Variants in ST7L observed in about 807,000 individuals in gnomAD.
ST7L encodes the protein suppression of tumorigenicity 7 like.
In ST7L, 57 loss-of-function variants were observed where a neutral mutation model predicts 72.5. The ratio of observed to expected loss-of-function variants is 0.79; its 90% CI spans 0.64 to 0.98. The LOEUF is 0.98. Ranked by LOEUF, ST7L falls within the 50% of genes least tolerant of loss-of-function variation. The probability of loss-of-function intolerance (pLI) is 0.00; values close to 1 mark genes in which losing one functional copy is unlikely to be tolerated. For synonymous variants in ST7L, 221 were observed against 240.9 expected (o/e 0.92, Z 0.77); for missense variants, 576 against 672.2 (o/e 0.86, Z 1.58).
chr1:112,540,430 A>G (rs953093660), intron 14 of ST7L: 1 of 985,504 alleles, frequency 1.0e-6, no homozygotes, highest in Non-Finnish European at 1.2e-6. Flanking sequence ...AATAACAGTT[A>G]TGAGTATGAT....
chr1:112,539,755 GA>G, intron 14 of ST7L: 1 of 985,236 alleles, frequency 1.0e-6, no homozygotes, highest in Non-Finnish European at 1.2e-6. Context: ...CCTGCCTTTG[GA>G]AATCCTGCAC....
chr1:112,547,559 ATCTT>A (rs1442792403), intron 13 of ST7L, among the ~76,000 whole-genome samples: 1 of 83,382 alleles, frequency 1.2e-5, no homozygotes, highest in African/African-American at 4.6e-5. Flanking sequence ...CATCTTTGTC[ATCTT>A]TTTTTTTTTT....
intron 6 of ST7L, among the ~76,000 whole-genome samples, chr1:112,586,339 G>T (rs934207270): frequency 1.4e-4 from 21 of 152,098 alleles, no homozygotes; most frequent in Admixed American, 1.4e-3. Context: ...TACTTTGGAG[G>T]CTGAGGCAAG....
At chr1:112,603,552 A>C (rs984179335) in intron 3 of ST7L, among the ~76,000 whole-genome samples, 1 of 152,218 alleles carries the variant, frequency 6.6e-6, no homozygotes, top group African/African-American at 2.4e-5. Context: ...ACTTCAATCA[A>C]ACACCATTTC....
At chr1:112,598,329 C>T (rs1447880305) in intron 4 of ST7L, among the ~76,000 whole-genome samples, 2 of 151,744 alleles carry the variant, frequency 1.3e-5, no homozygotes, top group Non-Finnish European at 2.9e-5. Flanking sequence ...GGCCGGGTGC[C>T]GTGGCTCATG....
chr1:112,574,965 G>A (rs576301887), intron 11 of ST7L, among the ~76,000 whole-genome samples: 160 of 152,252 alleles, frequency 1.1e-3, no homozygotes, highest in Admixed American at 2.4e-3. Context: ...AAGGCTGGGC[G>A]CGGTGGCTTA....
Position 112,550,604 on chromosome 1 carries a change from G to C in ST7L, c.1486C>G (p.Pro496Ala). 3 of 1,609,088 alleles carry C rather than the reference G, an allele frequency of 1.9e-6. No homozygotes were observed. In the South Asian group the frequency reaches 3.3e-5, roughly 18 times the overall value. Reference protein sequence around the residue: ...CTETADRELLPTFHHVSVYPK... With the variant: ...CTETADRELLATFHHVSVYPK... ...GAAAACTAAAATATTTACTTACTAGGTAATAGCTCTCTATCAGCCGTCTCT... is the reference window on the plus strand; with the variant it reads ...GAAAACTAAAATATTTACTTACTAGCTAATAGCTCTCTATCAGCCGTCTCT... Residue 496 changes from proline to alanine, a missense_variant, in exon 13 of 15, where the codon CCT (proline) becomes GCT (alanine). Physicochemically the swap from Pro to Ala is conservative, Grantham distance 27 (BLOSUM62 -1). Coordinates refer to ENST00000358039, the MANE Select transcript of ST7L (RefSeq NM_017744.5).
intron 14 of ST7L, among the ~76,000 whole-genome samples, chr1:112,533,128 T>A (rs764086516): frequency 1.3e-5 from 2 of 152,174 alleles, no homozygotes; most frequent in Non-Finnish European, 2.9e-5. Flanking sequence ...CTCTGAATCA[T>A]TACAAACCAG....
rs114996382 is a variant in ST7L at position 112,586,857 on chromosome 1, G to A, written c.702-2731C>T. 3.1e-3 allele frequency among the ~76,000 whole-genome samples: 468 copies of A among 152,124 alleles called. 4 individuals carry two copies. Among genetic ancestry groups the A allele is most frequent in the African/African-American group, 0.011 (438 of 41,486 alleles). On this transcript the variant is annotated intron_variant, in intron 6 of 14. Coordinates refer to ENST00000358039, the MANE Select transcript of ST7L (RefSeq NM_017744.5). ...ATATTCACAGAGTTGTGCAACCATC[G>A]CCACAATGTAATTCCAGGACATTTT...
intron 9 of ST7L, among the ~76,000 whole-genome samples, chr1:112,579,989 G>A (rs1663826174): frequency 6.6e-6 from 1 of 152,140 alleles, no homozygotes; most frequent in Non-Finnish European, 1.5e-5. Flanking sequence ...ATTTCTCCAT[G>A]AGCCTACACT....
intron 3 of ST7L, among the ~76,000 whole-genome samples, chr1:112,606,916 C>G (rs1475697693): frequency 1.3e-5 from 2 of 152,188 alleles, no homozygotes; most frequent in East Asian, 3.9e-4. Context: ...AAAACCCTAG[C>G]TCCTAATACA....
chr1:112,582,218 C>A, intron 8 of ST7L, 112 bp from the exon 9 acceptor site: 1 of 937,248 alleles, frequency 1.1e-6, no homozygotes, highest in Non-Finnish European at 1.6e-6. Context: ...GTGAAGAAGA[C>A]CTAACCCTTA....
At chr1:112,574,349 T>G (rs1305057645) in intron 11 of ST7L, among the ~76,000 whole-genome samples, 2 of 149,656 alleles carry the variant, frequency 1.3e-5, no homozygotes, top group Non-Finnish European at 3.0e-5. Flanking sequence ...CTCGAATAGC[T>G]GAAGAGTCTG....
chr1:112,574,416 T>G (rs530033704), intron 11 of ST7L, among the ~76,000 whole-genome samples: 2 of 151,432 alleles, frequency 1.3e-5, no homozygotes, highest in African/African-American at 4.8e-5. Context: ...TCCCAGCACT[T>G]TGGGAGGCCA....
Position 112,616,905 on chromosome 1 carries a change from G to T in ST7L, c.206-10C>A. 1 of 1,587,292 alleles carries T rather than the reference G, an allele frequency of 6.3e-7. No individual in the cohort carries two copies. The highest frequency in any genetic ancestry group is 1.2e-5 in the South Asian group (1 of 86,214). ...TTTAAAAATACAGTCACTGTCAAAAGAACAAGAATCAAAGTTTTAAAAAAT... is the reference window on the plus strand; with the variant it reads ...TTTAAAAATACAGTCACTGTCAAAATAACAAGAATCAAAGTTTTAAAAAAT... On this transcript the variant is annotated splice_polypyrimidine_tract_variant and intron_variant, in intron 1 of 14. Coordinates refer to ENST00000358039, the MANE Select transcript of ST7L (RefSeq NM_017744.5).
intron 12 of ST7L, 142 bp from the exon 13 acceptor site, chr1:112,550,835 A>G: frequency 1.6e-6 from 1 of 614,148 alleles, no homozygotes; most frequent in South Asian, 2.1e-5. Context: ...AGTAAGCAAA[A>G]TAATAAATAA....
intron 3 of ST7L, among the ~76,000 whole-genome samples, chr1:112,602,249 A>G (rs1353069593): frequency 6.6e-6 from 1 of 152,220 alleles, no homozygotes; most frequent in Non-Finnish European, 1.5e-5. Context: ...AGCAGTTCTC[A>G]AAGTATGATT....
intron 14 of ST7L, among the ~76,000 whole-genome samples, chr1:112,534,773 A>T (rs1654921444): frequency 6.6e-6 from 1 of 152,218 alleles, no homozygotes; most frequent in South Asian, 2.1e-4. Flanking sequence ...GTTTCGAATG[A>T]GTGATTTATA....
chr1:112,536,700 A>G (rs1655263225), intron 14 of ST7L, among the ~76,000 whole-genome samples: 1 of 152,074 alleles, frequency 6.6e-6, no homozygotes, highest in South Asian at 2.1e-4. Flanking sequence ...GAATTAATCA[A>G]GCAGATTGTA....
Sources: allele counts gnomAD v4.1 joint callset (sites outside exome capture counted in the v4.1 genomes callset), GRCh38; gene constraint gnomAD v4.1.1; transcripts MANE v1.5; gene names NCBI Gene and HGNC (gene_info 2026-07-23, HGNC 2026-07-21).